The following PCNX2 variants were observed in gnomAD, a reference collection of about 807,000 sequenced individuals.
The protein encoded by PCNX2 is pecanex-like protein 2.
In PCNX2, 168 loss-of-function variants were observed where a neutral mutation model predicts 223.8. The ratio of observed to expected loss-of-function variants is 0.75; its 90% CI spans 0.66 to 0.85. The LOEUF (loss-of-function observed/expected upper bound fraction) is 0.85. PCNX2 is among the 40% of genes least tolerant of loss of function. The pLI is 0.00. For synonymous variants in PCNX2, 1,006 were observed against 1,052.6 expected (o/e 0.96, Z 0.86); for missense variants, 2,507 against 2,675.5 (o/e 0.94, Z 1.39).
At chr1:233,173,033 G>C (rs1679251056) in intron 17 of PCNX2, among the ~76,000 whole-genome samples, 1 of 152,090 alleles carries the variant, frequency 6.6e-6, no homozygotes, top group South Asian at 2.1e-4. Context: ...ATCAATTTTT[G>C]ATTGTGACAT....
chr1:233,001,571 G>A lies in PCNX2; in HGVS notation c.5063C>T (p.Ala1688Val). 6.6e-7 allele frequency: 1 copy of A among 1,506,236 alleles called. No individual in the cohort carries two copies. Among genetic ancestry groups the A allele is most frequent in the Non-Finnish European group, 8.9e-7 (1 of 1,118,632 alleles). 93.3% of individuals were successfully genotyped at this position (1,506,236 alleles called of 1,614,324 possible). A position where few individuals can be genotyped will look rare whatever the true frequency, so the allele number is the denominator to read the frequency against. ...ADMDLLHKVVAPAIRMSLKLH... is the reference protein window; with the variant it reads ...ADMDLLHKVVVPAIRMSLKLH... ...TTTCAGGGACATCCTGATAGCTGGA[G>A]CTACAACTTTATGCAGTAGGTCCAT... Residue 1688 changes from alanine (A) to valine (V), a missense_variant, in exon 29 of 34, where the codon GCT becomes GTT. Coordinates refer to ENST00000258229, the MANE Select transcript of PCNX2 (RefSeq NM_014801.4). This position sits in a 1 kb window ranked among gnomAD's most constrained non-coding sequence, Gnocchi z 4.2.
chr1:233,127,961 T>A (rs545708376), intron 21 of PCNX2, among the ~76,000 whole-genome samples: 14 of 152,334 alleles, frequency 9.2e-5, no homozygotes, highest in African/African-American at 2.2e-4. Context: ...TGTATTTTTT[T>A]AAAAAGTGGC....
chr1:233,250,143 G>C (rs1193299215), intron 8 of PCNX2, among the ~76,000 whole-genome samples: 1 of 152,180 alleles, frequency 6.6e-6, no homozygotes, highest in African/African-American at 2.4e-5. Context: ...TATCCACAAA[G>C]AATCTTGAAG....
intron 14 of PCNX2, among the ~76,000 whole-genome samples, chr1:233,199,389 G>A (rs887629881): frequency 6.6e-5 from 10 of 152,090 alleles, no homozygotes; most frequent in Non-Finnish European, 1.2e-4. Flanking sequence ...AGGAGAAGGA[G>A]GGAGAAGGCA....
rs747768937 is a variant in PCNX2, at chr1:233,261,469, T to G, written c.481-148A>C. On this transcript the variant is annotated intron_variant, in intron 3 of 33. Transcript: ENST00000258229. ...AGTGTTCACTCTCCTTAAGCTTCTA[T>G]AAAATGGGGCCCAGAATGGATACAA... The G allele has an allele frequency of 2.2e-5, 15 of 696,674 alleles. No homozygotes were observed. The Admixed American group carries it at 4.0e-4, about 19-fold the overall frequency. 43.2% of individuals were successfully genotyped at this position (696,674 alleles called of 1,614,324 possible). A position where few individuals can be genotyped will look rare whatever the true frequency, so the allele number is the denominator to read the frequency against.
chr1:233,022,298 A>G (rs1212937068), intron 26 of PCNX2, among the ~76,000 whole-genome samples: 1 of 152,246 alleles, frequency 6.6e-6, no homozygotes, highest in Non-Finnish European at 1.5e-5. Flanking sequence ...AAATTGGGCC[A>G]TGCAATAAAC....
chr1:233,326,988 C>T, the PCNX2 span, among the ~76,000 whole-genome samples: 6 of 152,126 alleles, frequency 3.9e-5, no homozygotes, highest in Admixed American at 3.3e-4. Context: ...CTCTGCGCTG[C>T]GATCTGTAAC....
In PCNX2 at chr1:233,139,599, A is replaced by C; in HGVS notation, c.3659+115T>G. On this transcript the variant is annotated intron_variant, in intron 20 of 33. Coordinates refer to ENST00000258229, the MANE Select transcript of PCNX2 (RefSeq NM_014801.4). This position sits in a 1 kb window ranked among gnomAD's most constrained non-coding sequence, Gnocchi z 4.4. The stretch of plus-strand genomic sequence containing the variant: ...AAAGACCACCATGGCTTATTTTTAC[A>C]TGGCCAATCACAGTCGGTAAAGGTT... 1 of 1,244,632 alleles carries C rather than the reference A, an allele frequency of 8.0e-7. No homozygotes were observed. Among genetic ancestry groups the C allele is most frequent in the Non-Finnish European group, 1.1e-6 (1 of 910,686 alleles). 77.1% of individuals were successfully genotyped at this position (1,244,632 alleles called of 1,614,324 possible).
chr1:233,174,026 C>T (rs1572018815), intron 17 of PCNX2, among the ~76,000 whole-genome samples: 1 of 130,280 alleles, frequency 7.7e-6, no homozygotes, highest in African/African-American at 2.7e-5. Flanking sequence ...TTTTGCTTTT[C>T]ATTTTATATA....
intron 21 of PCNX2, among the ~76,000 whole-genome samples, chr1:233,131,385 T>G (rs1373892627): frequency 3.9e-5 from 6 of 151,956 alleles, no homozygotes; most frequent in Non-Finnish European, 7.4e-5. Flanking sequence ...CTTTTTTTTT[T>G]GAAAAAAAAT....
In PCNX2 at chr1:233,001,875, T is replaced by C. The variant is rs1410568953; in HGVS notation, c.4953-194A>G. On this transcript the variant is annotated intron_variant, in intron 28 of 33. Coordinates refer to ENST00000258229, the MANE Select transcript of PCNX2 (RefSeq NM_014801.4). The surrounding 1 kb of genome is among the most constrained non-coding windows in gnomAD (Gnocchi z 4.2). ...CCCATGTTTGGGCCCTCATAAGTGC[T>C]AGTGTCATGGCGTGGGCGTTGTCTT... Among the ~76,000 whole-genome samples, 2 of 152,194 alleles carry C rather than the reference T, an allele frequency of 1.3e-5. No homozygotes were observed. The highest frequency in any genetic ancestry group is 1.9e-4 in the East Asian group (1 of 5,194).
intron 9 of PCNX2, among the ~76,000 whole-genome samples, chr1:233,235,957 A>AAAAAAATATATATATATATATAT (rs369886650): frequency 4.3e-5 from 4 of 93,106 alleles, no homozygotes; most frequent in Admixed American, 1.2e-4. Context: ...CATAAAAAAA[A>AAAAAAATATATATATATATATAT]ATATATATAT....
rs1308751981 is a variant in PCNX2 at position 232,999,335 on chromosome 1, C to T, written c.5373G>A (p.Gln1791=). 1 of 1,600,902 alleles carries T rather than the reference C, an allele frequency of 6.2e-7. No individual in the cohort carries two copies. Among genetic ancestry groups the T allele is most frequent in the Non-Finnish European group, 8.5e-7 (1 of 1,173,706 alleles). Residue 1791 remains glutamine (Q), a synonymous_variant, in exon 31 of 34, where the codon CAG becomes CAA. Transcript: ENST00000258229. The part of the protein sequence containing the change: ...CVRGLWAGQQ[Q]ELIFLRNRNP... Reference sequence around the variant, plus strand: ...TGCGGTTGCGAAGAAATATAAGCTCCTGCTGCTGCCCGGCCCAAAGTCCTC... The same window carrying T: ...TGCGGTTGCGAAGAAATATAAGCTCTTGCTGCTGCCCGGCCCAAAGTCCTC...
At chr1:233,092,052 C>T (rs759682129) in intron 22 of PCNX2, among the ~76,000 whole-genome samples, 5 of 152,062 alleles carry the variant, frequency 3.3e-5, no homozygotes, top group Non-Finnish European at 5.9e-5. Context: ...AACAAATTAG[C>T]TATTATGCTC....
Position 233,224,112 on chromosome 1 carries a change from C to T in PCNX2, c.2504+3114G>A, listed in dbSNP as rs918284413. Among the ~76,000 whole-genome samples, 6 of 152,120 alleles carry T rather than the reference C, an allele frequency of 3.9e-5. No individual in the cohort carries two copies. The South Asian group carries it at 6.2e-4, about 16-fold the overall frequency. On this transcript the variant is annotated intron_variant, in intron 10 of 33. Transcript: ENST00000258229. ...CCAGTGCCCAGTACAGATCCTAGCA[C>T]GGAACAGGTGCTTTGGTTCATATTT...
At chr1:233,240,239 G>A (rs1658673705) in intron 8 of PCNX2, among the ~76,000 whole-genome samples, 1 of 152,220 alleles carries the variant, frequency 6.6e-6, no homozygotes, top group Non-Finnish European at 1.5e-5. Context: ...AAAAATCACT[G>A]AAACGGACAG....
chr1:233,180,681 C>T (rs1161228427), intron 15 of PCNX2: 1 of 152,146 alleles, frequency 6.6e-6, no homozygotes, highest in African/African-American at 2.4e-5. Flanking sequence ...GCTTCATTTT[C>T]CTAGAAATTA....
chr1:233,287,600 T>TA (rs1256597426), intron 1 of PCNX2, among the ~76,000 whole-genome samples: 1 of 152,194 alleles, frequency 6.6e-6, no homozygotes, highest in East Asian at 1.9e-4. Flanking sequence ...GAGGCCTCCC[T>TA]AGCCATGTGA....
intron 8 of PCNX2, among the ~76,000 whole-genome samples, chr1:233,239,215 G>A (rs917792789): frequency 6.6e-6 from 1 of 152,144 alleles, no homozygotes; most frequent in Non-Finnish European, 1.5e-5. Flanking sequence ...GTACGCTTCT[G>A]TGCAAAAAAG....
Sources: gnomAD v4.1 joint callset for allele counts (sites outside exome capture counted in the v4.1 genomes callset) on GRCh38, gnomAD v4.1.1 for gene constraint, Gnocchi (gnomAD v3.1) non-coding constraint, MANE v1.5 for transcripts, NCBI Gene and HGNC (gene_info 2026-07-23, HGNC 2026-07-21) for gene names.